The following FLRT1 variants were observed in gnomAD, a reference collection of about 807,000 sequenced individuals.
FLRT1 encodes fibronectin leucine rich transmembrane protein 1, also known as leucine-rich repeat transmembrane protein FLRT1.
Under a neutral mutation model 30.9 loss-of-function variants are expected in FLRT1, and 14 were observed. The observed-to-expected ratio is 0.45, with a 90% CI of 0.30 to 0.71. FLRT1 has a LOEUF of 0.71. FLRT1 is among the 30% of genes least tolerant of loss of function. The probability of loss-of-function intolerance (pLI) is 0.08; values close to 1 mark genes in which losing one functional copy is unlikely to be tolerated. For missense variants in FLRT1, 737 were observed against 949.2 expected, an observed-to-expected ratio of 0.78 and a Z score of 2.94; for synonymous variants, 368 against 430.4, an observed-to-expected ratio of 0.85 and a Z score of 1.80.
chr11:64,060,473 C>T (rs926018794), intron 1 of FLRT1: 9 of 152,194 alleles, frequency 5.9e-5, no homozygotes, highest in African/African-American at 1.9e-4. Flanking sequence ...CGGGGCTGCC[C>T]GCGACTCCAG....
At chr11:64,094,898 T>G (rs916033984) in intron 1 of FLRT1, among the ~76,000 whole-genome samples, 4 of 152,216 alleles carry the variant, frequency 2.6e-5, no homozygotes, top group African/African-American at 9.6e-5. Context: ...ATGTCCCATC[T>G]GGGCCTGTGT....
At chr11:64,105,626 T>C (rs1199126184) in intron 2 of FLRT1, among the ~76,000 whole-genome samples, 2 of 152,062 alleles carry the variant, frequency 1.3e-5, no homozygotes. Flanking sequence ...CCCACAGGCA[T>C]GAGTGACCCC....
At chr11:64,105,177 C>T (rs1478400013) in intron 2 of FLRT1, among the ~76,000 whole-genome samples, 3 of 152,236 alleles carry the variant, frequency 2.0e-5, no homozygotes, top group Non-Finnish European at 2.9e-5. Context: ...AGTGCGCCAG[C>T]CCGACAGCGG....
At chr11:64,061,762 C>T (rs1183284634) in intron 1 of FLRT1, among the ~76,000 whole-genome samples, 4 of 151,034 alleles carry the variant, frequency 2.6e-5, no homozygotes, top group African/African-American at 7.3e-5. Flanking sequence ...TGCAATGGCA[C>T]GATCACAGCT....
At chr11:64,087,393 G>T (rs76766582) in intron 1 of FLRT1, among the ~76,000 whole-genome samples, 1 of 152,130 alleles carries the variant, frequency 6.6e-6, no homozygotes, top group Admixed American at 6.5e-5. Context: ...ACCACAGGCC[G>T]GTTGTCCCCA....
chr11:64,112,136 C>T (rs1045820407), intron 2 of FLRT1, among the ~76,000 whole-genome samples: 3 of 152,192 alleles, frequency 2.0e-5, no homozygotes, highest in South Asian at 4.1e-4. Context: ...CTTTAGTGAG[C>T]ATCTGCCACG....
chr11:64,086,570 G>T (rs1048741455), intron 1 of FLRT1, among the ~76,000 whole-genome samples: 4 of 152,118 alleles, frequency 2.6e-5, no homozygotes, highest in Non-Finnish European at 4.4e-5. Flanking sequence ...CCTTCCTCCT[G>T]CCTCCGGGCC....
At chr11:64,068,913 C>T (rs763178960) in intron 1 of FLRT1, among the ~76,000 whole-genome samples, 13 of 152,220 alleles carry the variant, frequency 8.5e-5, no homozygotes, top group East Asian at 1.9e-4. Flanking sequence ...AATGGGCATC[C>T]GTGTGAACCC....
At chr11:64,069,769 A>G (rs1944072916) in intron 1 of FLRT1, among the ~76,000 whole-genome samples, 1 of 152,026 alleles carries the variant, frequency 6.6e-6, no homozygotes, top group Non-Finnish European at 1.5e-5. Flanking sequence ...TCGCCAGGAA[A>G]CCTCCGCACG....
At chr11:64,041,068 G>T (rs370762776) in intron 1 of FLRT1, among the ~76,000 whole-genome samples, 2 of 151,838 alleles carry the variant, frequency 1.3e-5, no homozygotes, top group African/African-American at 4.8e-5. Context: ...GTCACGGGGC[G>T]CTAGTCCTGG....
At chr11:64,100,848 C>T (rs1332948043) in intron 1 of FLRT1, among the ~76,000 whole-genome samples, 1 of 152,078 alleles carries the variant, frequency 6.6e-6, no homozygotes, top group Non-Finnish European at 1.5e-5. Flanking sequence ...TCTGCAGGCC[C>T]CAGGGAAGGT....
chr11:64,107,607 T>A (rs1160011554), intron 2 of FLRT1, among the ~76,000 whole-genome samples: 3 of 152,228 alleles, frequency 2.0e-5, no homozygotes, highest in Admixed American at 6.5e-5. Flanking sequence ...AGAAAAATAA[T>A]TAACTTTAGG....
Position 64,118,217 on chromosome 11 carries a change from A to C in FLRT1, c.1950A>C (p.Thr650=). 6.2e-7 allele frequency: 1 copy of C among 1,613,176 alleles called. No homozygotes were observed. The highest frequency in any genetic ancestry group is 8.5e-7 in the Non-Finnish European group (1 of 1,179,796). The part of the protein sequence containing the change: ...PSNGSSLCKA[T]HTIGYGTTRG... ...ACGGCAGCAGCCTCTGCAAGGCCAC[A>C]CACACCATTGGCTACGGCACCACGC... Residue 650 remains threonine, a synonymous_variant, in exon 3 of 3, where the codon ACA becomes ACC. Coordinates refer to ENST00000682287, the MANE Select transcript of FLRT1 (RefSeq NM_013280.5).
chr11:64,061,196 C>A (rs1274273437), intron 1 of FLRT1, among the ~76,000 whole-genome samples: 2 of 152,226 alleles, frequency 1.3e-5, no homozygotes, highest in Non-Finnish European at 2.9e-5. Flanking sequence ...GTAAATAAGT[C>A]CCCCGCTTCT....
rs1416420871 is a variant in FLRT1 at position 64,116,551 on chromosome 11, A to C, written c.284A>C (p.Asn95Thr). Residue 95 changes from asparagine to threonine, a missense_variant, in exon 3 of 3, where the codon AAC becomes ACC. By Grantham distance (65) the Asn-to-Thr change is moderately conservative. Transcript: ENST00000682287. Reference sequence around the variant, plus strand: ...TACCTGCAGAACAACCAGATCAACAACGCCGGCATCCCCCAGGACCTCAAG... The same window carrying C: ...TACCTGCAGAACAACCAGATCAACACCGCCGGCATCCCCCAGGACCTCAAG... Reference protein sequence around the residue: ...TLYLQNNQINNAGIPQDLKTK... With the variant: ...TLYLQNNQINTAGIPQDLKTK... 1 of 1,613,912 alleles carries C rather than the reference A, an allele frequency of 6.2e-7. No individual in the cohort carries two copies. Among genetic ancestry groups the C allele is most frequent in the East Asian group, 2.2e-5 (1 of 44,852 alleles).
At chr11:64,066,942 G>A (rs971640182) in intron 1 of FLRT1, among the ~76,000 whole-genome samples, 11 of 152,252 alleles carry the variant, frequency 7.2e-5, no homozygotes, top group African/African-American at 1.7e-4. Context: ...GGTGCTGCCC[G>A]CCCCAGTGCG....
At chr11:64,069,442 C>T (rs1289390597) in intron 1 of FLRT1, among the ~76,000 whole-genome samples, 1 of 152,236 alleles carries the variant, frequency 6.6e-6, no homozygotes, top group African/African-American at 2.4e-5. Context: ...TCTTGGAGCC[C>T]ACTCCCCAAG....
chr11:64,097,134 G>A (rs1944590865), intron 1 of FLRT1, among the ~76,000 whole-genome samples: 1 of 152,238 alleles, frequency 6.6e-6, no homozygotes, highest in South Asian at 2.1e-4. Flanking sequence ...TGCACTGTGA[G>A]GACGGCAGCT....
intron 1 of FLRT1, among the ~76,000 whole-genome samples, chr11:64,048,585 G>T (rs982239829): frequency 1.8e-4 from 27 of 152,300 alleles, no homozygotes; most frequent in Middle Eastern, 3.4e-3. Flanking sequence ...AACAGTCATG[G>T]CAGCAGGGGC....
Sources: gnomAD v4.1 joint callset for allele counts (sites outside exome capture counted in the v4.1 genomes callset) on GRCh38, gnomAD v4.1.1 for gene constraint, MANE v1.5 for transcripts, NCBI Gene and HGNC (gene_info 2026-07-23, HGNC 2026-07-21) for gene names.